The following LRPPRC variants were observed in gnomAD, a reference collection of about 807,000 sequenced individuals.
LRPPRC encodes leucine-rich PPR motif-containing protein, mitochondrial.
In LRPPRC, 120 loss-of-function variants were observed where a neutral mutation model predicts 180.3. The observed-to-expected ratio is 0.67, with a 90% confidence interval of 0.57 to 0.77. LRPPRC has a LOEUF of 0.77. Ranked by LOEUF, LRPPRC falls within the 30% of genes least tolerant of loss-of-function variation. The pLI is 0.00. For synonymous variants in LRPPRC, 723 were observed against 600.0 expected (o/e 1.21, Z -3.00); for missense variants, 2,012 against 1,657.2 (o/e 1.21, Z -3.72).
intron 1 of LRPPRC, among the ~76,000 whole-genome samples, chr2:43,987,972 G>A (rs529548923): frequency 1.3e-5 from 2 of 152,090 alleles, no homozygotes; most frequent in South Asian, 4.1e-4. Flanking sequence ...GGCCAGGCAC[G>A]GTAGCTCAAG....
chr2:43,972,142 C>G (rs1673847267), intron 11 of LRPPRC, among the ~76,000 whole-genome samples: 1 of 152,098 alleles, frequency 6.6e-6, no homozygotes, highest in African/African-American at 2.4e-5. Context: ...AGGACAGAAA[C>G]CCTCTATTCT....
intron 12 of LRPPRC, 100 bp from the exon 13 acceptor site, chr2:43,960,734 C>G: frequency 1.3e-6 from 1 of 754,912 alleles, no homozygotes; most frequent in Non-Finnish European, 2.4e-6. Context: ...ACCATATTCT[C>G]TGATTTTCTA....
intron 25 of LRPPRC, among the ~76,000 whole-genome samples, chr2:43,930,050 G>A (rs374171621): frequency 1.3e-5 from 2 of 152,146 alleles, no homozygotes; most frequent in East Asian, 1.9e-4. Context: ...AGGCAAATGG[G>A]ATAAAAATTC....
chr2:43,942,929 G>T (rs1389110847), intron 23 of LRPPRC, among the ~76,000 whole-genome samples: 2 of 151,248 alleles, frequency 1.3e-5, no homozygotes, highest in Non-Finnish European at 3.0e-5. Context: ...GTTTGCCTAG[G>T]GTTGTTTAAA....
intron 11 of LRPPRC, among the ~76,000 whole-genome samples, 190 bp downstream of exon 11, chr2:43,973,417 G>C (rs74800600): frequency 1.8e-3 from 281 of 152,278 alleles, no homozygotes; most frequent in African/African-American, 6.3e-3. Flanking sequence ...AAATTCAGAT[G>C]AAAGAAATCC....
chr2:43,940,959 C>A (rs1672460014), intron 23 of LRPPRC, among the ~76,000 whole-genome samples: 1 of 152,080 alleles, frequency 6.6e-6, no homozygotes, highest in Non-Finnish European at 1.5e-5. Flanking sequence ...GGCTTAGAGA[C>A]TGTAATGTAA....
At chr2:43,978,654 T>G (rs1347985663) in intron 3 of LRPPRC, among the ~76,000 whole-genome samples, 1 of 152,066 alleles carries the variant, frequency 6.6e-6, no homozygotes, top group Non-Finnish European at 1.5e-5. Context: ...AAAGTCAACA[T>G]TTATCTATAT....
chr2:43,934,269 C>T lies in LRPPRC; in HGVS notation c.2657G>A (p.Gly886Asp), dbSNP rs200961995. 5 of 1,609,914 alleles carry T rather than the reference C, an allele frequency of 3.1e-6. No homozygotes were observed. The highest frequency in any genetic ancestry group is 4.2e-6 in the Non-Finnish European group (5 of 1,176,792). The change falls in exon 25 of 38, where the codon GGT (glycine) becomes GAT (aspartate). Residue 886 changes from glycine (G) to aspartate (D), a missense_variant. Coordinates refer to ENST00000260665, the MANE Select transcript of LRPPRC (RefSeq NM_133259.4). Reference sequence around the variant, plus strand: ...GAGATCATAGAGCATCACCATTTCACCTTGTTCTTGGCTCACAAAGTCCAT... The same window carrying T: ...GAGATCATAGAGCATCACCATTTCATCTTGTTCTTGGCTCACAAAGTCCAT... The part of the protein sequence containing the change: ...KAMDFVSQEQ[G>D]EMVMLYDLFF...
At chr2:43,912,347 C>T (rs76546710) in intron 30 of LRPPRC, 85 bp downstream of exon 30, 115 of 1,250,322 alleles carry the variant, frequency 9.2e-5, no homozygotes, top group Non-Finnish European at 1.3e-4. Context: ...TTTTACTACA[C>T]AGCACATTAC....
rs773519736 is a variant in LRPPRC at position 43,971,922 on chromosome 2, A to G, written c.1369+1685T>C. Among the ~76,000 whole-genome samples, 17 of 152,226 alleles carry G rather than the reference A, an allele frequency of 1.1e-4. 1 individual carries two copies. The highest frequency in any genetic ancestry group is 2.4e-4 in the Non-Finnish European group (16 of 68,036). Reference sequence around the variant, plus strand: ...TGACAATCTTTTGCACTCTCAGAACACACAATATAAAAGCATAAACTTTTA... The same window carrying G: ...TGACAATCTTTTGCACTCTCAGAACGCACAATATAAAAGCATAAACTTTTA... On this transcript the variant is annotated intron_variant, in intron 11 of 37. Transcript: ENST00000260665.
chr2:43,935,211 T>C (rs1436693223), intron 23 of LRPPRC, among the ~76,000 whole-genome samples: 4 of 152,242 alleles, frequency 2.6e-5, no homozygotes, highest in African/African-American at 9.6e-5. Flanking sequence ...AGAAAGTTGC[T>C]GTAAGAATGT....
intron 11 of LRPPRC, among the ~76,000 whole-genome samples, chr2:43,969,184 G>A (rs1314853588): frequency 7.2e-5 from 11 of 152,198 alleles, no homozygotes; most frequent in African/African-American, 2.4e-4. Context: ...AGGCCGAGGC[G>A]GGTGGATCAC....
intron 35 of LRPPRC, among the ~76,000 whole-genome samples, chr2:43,896,002 GC>G (rs1405080259): frequency 1.3e-5 from 2 of 151,574 alleles, no homozygotes; most frequent in Non-Finnish European, 2.9e-5. Flanking sequence ...TAAAGTAACT[GC>G]ACAAATTAGA....
At position 43,887,500 on chromosome 2, in the gene LRPPRC, C is replaced by G. The variant is rs1050179881; in HGVS notation, c.*1100G>C. The G allele has an allele frequency of 6.6e-6, 1 of 152,160 alleles. No individual in the cohort carries two copies. Among genetic ancestry groups the G allele is most frequent in the African/African-American group, 2.4e-5 (1 of 41,442 alleles). 9.4% of individuals were successfully genotyped at this position (152,160 alleles called of 1,614,324 possible). A position where few individuals can be genotyped will look rare whatever the true frequency, so the allele number is the denominator to read the frequency against. ...GTCTCCCCTGATGTGAACAGTGTGA[C>G]CCAAGTTGGCACTGAAACTGGAACA... On this transcript the variant is annotated 3_prime_UTR_variant, in exon 38 of 38. Transcript: ENST00000260665.
At chr2:43,894,842 C>A (rs901065657) in intron 35 of LRPPRC, among the ~76,000 whole-genome samples, 2 of 152,164 alleles carry the variant, frequency 1.3e-5, no homozygotes, top group Non-Finnish European at 2.9e-5. Context: ...CAGGTTAATG[C>A]AATTCCACTT....
intron 25 of LRPPRC, among the ~76,000 whole-genome samples, chr2:43,928,384 T>C (rs1299486410): frequency 1.3e-5 from 2 of 152,226 alleles, no homozygotes; most frequent in Admixed American, 1.3e-4. Context: ...TGAAAGTTTT[T>C]CTACTGCATT....
At chr2:43,990,613 A>T (rs1338448021) in intron 1 of LRPPRC, among the ~76,000 whole-genome samples, 3 of 152,204 alleles carry the variant, frequency 2.0e-5, no homozygotes, top group African/African-American at 7.2e-5. Flanking sequence ...TTTTTGGAAC[A>T]TTCTGAATAT....
chr2:43,917,887 G>C, intron 29 of LRPPRC, 138 bp downstream of exon 29: 3 of 644,854 alleles, frequency 4.7e-6, no homozygotes, highest in Non-Finnish European at 8.3e-6. Flanking sequence ...TTAAAGTATG[G>C]AAGGGGACAA....
chr2:43,918,539 C>T (rs1325316439), intron 27 of LRPPRC, 141 bp from the exon 28 acceptor site: 26 of 701,910 alleles, frequency 3.7e-5, no homozygotes, highest in South Asian at 3.5e-5. Flanking sequence ...CAAAAGTGAC[C>T]GTGACCCGAA....
Sources: allele counts gnomAD v4.1 joint callset (sites outside exome capture counted in the v4.1 genomes callset), GRCh38; gene constraint gnomAD v4.1.1; transcripts MANE v1.5; gene names NCBI Gene and HGNC (gene_info 2026-07-23, HGNC 2026-07-21).